The following CAST variants were observed in gnomAD, a reference collection of about 807,000 sequenced individuals.
The protein encoded by CAST is MIR583 host.
Under a neutral mutation model 119.6 loss-of-function variants are expected in CAST, and 76 were observed. The observed-to-expected ratio is 0.64, with a 90% CI of 0.53 to 0.77. The LOEUF is 0.77. Among genes scored for constraint, CAST ranks in the 30% least tolerant of loss-of-function variants. The probability of loss-of-function intolerance (pLI) is 0.00; values close to 1 mark genes in which losing one functional copy is unlikely to be tolerated. For synonymous variants in CAST, 319 were observed against 331.6 expected, an observed-to-expected ratio of 0.96 and a Z score of 0.41; for missense variants, 953 against 946.5, an observed-to-expected ratio of 1.01 and a Z score of -0.09.
chr5:96,465,086 T>C, the CAST span, among the ~76,000 whole-genome samples: 2 of 152,100 alleles, frequency 1.3e-5, no homozygotes, highest in Non-Finnish European at 2.9e-5. Flanking sequence ...GTTTTTCTCA[T>C]AAATTTGTAT....
the CAST span, among the ~76,000 whole-genome samples, chr5:96,268,481 GA>G: frequency 6.6e-6 from 1 of 152,164 alleles, no homozygotes; most frequent in Non-Finnish European, 1.5e-5. Context: ...GGGAGGCTGA[GA>G]CAGGAGGATC....
the CAST span, among the ~76,000 whole-genome samples, chr5:96,155,568 G>T: frequency 6.6e-6 from 1 of 152,138 alleles, no homozygotes; most frequent in Admixed American, 6.6e-5. Context: ...GATATGTTCC[G>T]ATGGAAATCT....
the CAST span, among the ~76,000 whole-genome samples, chr5:96,379,098 T>C: frequency 1.3e-5 from 2 of 152,186 alleles, no homozygotes; most frequent in African/African-American, 4.8e-5. Context: ...GGATATTTTC[T>C]CAGAATGGGA....
intron 1 of CAST, among the ~76,000 whole-genome samples, chr5:96,624,071 T>C (rs986993824): frequency 6.6e-6 from 1 of 152,238 alleles, no homozygotes; most frequent in Non-Finnish European, 1.5e-5. Context: ...CAAAGTGTTC[T>C]GCACATCTTT....
intron 3 of CAST, among the ~76,000 whole-genome samples, chr5:96,718,299 C>T (rs1433684262): frequency 6.6e-6 from 1 of 151,934 alleles, no homozygotes; most frequent in African/African-American, 2.4e-5. Context: ...AGAATTGCTC[C>T]CAAAATAAGA....
chr5:96,415,316 T>A, the CAST span, among the ~76,000 whole-genome samples: 2 of 152,124 alleles, frequency 1.3e-5, no homozygotes, highest in Admixed American at 6.5e-5. Flanking sequence ...AGTGGCTCTG[T>A]TGTTGTACTC....
the CAST span, among the ~76,000 whole-genome samples, chr5:96,491,917 T>A: frequency 6.6e-6 from 1 of 152,236 alleles, no homozygotes; most frequent in African/African-American, 2.4e-5. Context: ...ATTCAATCAC[T>A]TATATGAAGT....
Position 96,765,239 on chromosome 5 carries a change from G to T in CAST, c.1951G>T (p.Asp651Tyr). Residue 651 changes from aspartate to tyrosine, a missense_variant, in exon 26 of 32, where the codon GAT becomes TAT. By Grantham distance (160) the Asp-to-Tyr change is radical. Transcript: ENST00000675179. Reference sequence around the variant, plus strand: ...TTTTCAGCAGAGTGACAAAGACCTCGATGATGCCTTGGATAAACTCTCTGA... The same window carrying T: ...TTTTCAGCAGAGTGACAAAGACCTCTATGATGCCTTGGATAAACTCTCTGA... ...RDTSQSDKDL[D>Y]DALDKLSDSL... is the part of the protein sequence containing the mutation. 1.2e-6 allele frequency: 2 copies of T among 1,601,974 alleles called. No individual in the cohort carries two copies. Among genetic ancestry groups the T allele is most frequent in the Non-Finnish European group, 1.7e-6 (2 of 1,172,024 alleles).
the CAST span, among the ~76,000 whole-genome samples, chr5:96,223,518 A>G: frequency 2.0e-5 from 3 of 152,232 alleles, no homozygotes. Flanking sequence ...GCCAGCAACC[A>G]TCAGAAGCTA....
chr5:96,284,233 G>A, the CAST span, among the ~76,000 whole-genome samples: 1 of 152,320 alleles, frequency 6.6e-6, no homozygotes, highest in East Asian at 1.9e-4. Flanking sequence ...ATCAATTTGT[G>A]CCTCTCAGTA....
At chr5:96,684,606 A>C (rs1207607952) in intron 2 of CAST, among the ~76,000 whole-genome samples, 1 of 150,382 alleles carries the variant, frequency 6.6e-6, no homozygotes, top group African/African-American at 2.5e-5. Flanking sequence ...TTTGTTGCCC[A>C]GGCTGGAGTG....
At chr5:95,962,331 C>T in the CAST span, among the ~76,000 whole-genome samples, 1 of 151,948 alleles carries the variant, frequency 6.6e-6, no homozygotes, top group Non-Finnish European at 1.5e-5. Flanking sequence ...TGTTCCCCGA[C>T]GGCTGCGGAA....
intron 1 of CAST, among the ~76,000 whole-genome samples, chr5:96,591,112 A>G (rs967299329): frequency 1.3e-5 from 2 of 152,236 alleles, no homozygotes; most frequent in Non-Finnish European, 2.9e-5. Flanking sequence ...GTACTGATGG[A>G]TACATTGACA....
At chr5:96,515,432 A>G in the CAST span, among the ~76,000 whole-genome samples, 2 of 152,170 alleles carry the variant, frequency 1.3e-5, 1 homozygote, top group East Asian at 3.9e-4. Context: ...AATGGCAGCT[A>G]CACAGTGTGA....
the CAST span, among the ~76,000 whole-genome samples, chr5:96,269,623 T>C: frequency 6.6e-6 from 1 of 152,186 alleles, no homozygotes. Context: ...GAGACTATTA[T>C]GAACAACTAT....
At chr5:96,476,808 C>T in the CAST span, among the ~76,000 whole-genome samples, 1 of 151,832 alleles carries the variant, frequency 6.6e-6, no homozygotes, top group Non-Finnish European at 1.5e-5. Context: ...CACACATGTA[C>T]ACAAACACTC....
At chr5:95,996,809 A>G in the CAST span, among the ~76,000 whole-genome samples, 10 of 152,138 alleles carry the variant, frequency 6.6e-5, no homozygotes, top group Admixed American at 4.6e-4. Context: ...TTGGATGCAC[A>G]TGGTCCATAG....
At chr5:96,510,013 A>G in the CAST span, among the ~76,000 whole-genome samples, 1 of 152,238 alleles carries the variant, frequency 6.6e-6, no homozygotes, top group South Asian at 2.1e-4. Flanking sequence ...TTAAAAAAAT[A>G]AGAAATCAAA....
At chr5:96,432,973 T>G in the CAST span, 1 of 1,614,224 alleles carries the variant, frequency 6.2e-7, no homozygotes, top group Non-Finnish European at 8.5e-7. Flanking sequence ...GCTTTTGCAC[T>G]GTTCAGTGCA....
Sources: allele counts gnomAD v4.1 joint callset (sites outside exome capture counted in the v4.1 genomes callset), GRCh38; gene constraint gnomAD v4.1.1; transcripts MANE v1.5; gene names NCBI Gene and HGNC (gene_info 2026-07-23, HGNC 2026-07-21).